OTUD3: variants seen among roughly 807,000 people sequenced by gnomAD.
OTUD3 encodes the protein OTU deubiquitinase 3.
OTUD3 carries 24 observed loss-of-function variants against 46.2 expected under a neutral mutation model. The ratio of observed to expected loss-of-function variants is 0.52; its 90% CI spans 0.38 to 0.73. The LOEUF is 0.73. Ranked by LOEUF, OTUD3 falls within the 30% of genes least tolerant of loss-of-function variation. The pLI is 0.00. For missense variants in OTUD3, 455 were observed against 523.3 expected, an observed-to-expected ratio of 0.87 and a Z score of 1.27; for synonymous variants, 189 against 195.4, an observed-to-expected ratio of 0.97 and a Z score of 0.27.
Position 19,912,270 on chromosome 1 carries a change from C to T in OTUD3, c.*4524C>T, listed in dbSNP as rs2045742968. ...CAGGCTGCCAGCCATCCATGACAATCATGTGAGCTCAGCCACAGACCTCAG... is the reference window on the plus strand; with the variant it reads ...CAGGCTGCCAGCCATCCATGACAATTATGTGAGCTCAGCCACAGACCTCAG... On this transcript the variant is annotated 3_prime_UTR_variant, in exon 8 of 8. Transcript: ENST00000375120. The T allele has an allele frequency of 6.6e-6, 1 of 152,384 alleles. No homozygotes were observed. Among genetic ancestry groups the T allele is most frequent in the African/African-American group, 2.4e-5 (1 of 41,462 alleles). 9.4% of individuals were successfully genotyped at this position (152,384 alleles called of 1,614,324 possible).
Position 19,911,089 on chromosome 1 carries a change from C to G in OTUD3, c.*3343C>G, listed in dbSNP as rs2045727786. ...AGAGGTGACTAAAAGTTACCCTGAC[C>G]AAAAGGATCTCTGCGGGGGGAAGAG... On this transcript the variant is annotated 3_prime_UTR_variant, in exon 8 of 8. Transcript: ENST00000375120. 1 of 152,216 alleles carries G rather than the reference C, an allele frequency of 6.6e-6. No individual in the cohort carries two copies. The highest frequency in any genetic ancestry group is 2.4e-5 in the African/African-American group (1 of 41,398). 9.4% of individuals were successfully genotyped at this position (152,216 alleles called of 1,614,324 possible).
In OTUD3 at chr1:19,907,708, G is replaced by A. The variant is rs768806192; in HGVS notation, c.1159G>A (p.Val387Ile). The A allele has an allele frequency of 1.5e-5, 24 of 1,614,238 alleles. No individual in the cohort carries two copies. The highest frequency in any genetic ancestry group is 2.0e-5 in the Non-Finnish European group (24 of 1,180,046). The change falls in exon 8 of 8, where the codon GTC (valine) becomes ATC (isoleucine). Residue 387 changes from valine (V) to isoleucine (I), a missense_variant. Transcript: ENST00000375120. ...NRSEAEANTQVTLVKTFAALN... is the reference protein window; with the variant it reads ...NRSEAEANTQITLVKTFAALN... ...AAGCGAAGCAGAGGCGAACACGCAGGTCACCTTGGTGAAGACCTTCGCCGC... is the reference window on the plus strand; with the variant it reads ...AAGCGAAGCAGAGGCGAACACGCAGATCACCTTGGTGAAGACCTTCGCCGC...
At chr1:19,884,875 A>G (rs764023290) in intron 1 of OTUD3, among the ~76,000 whole-genome samples, 1 of 152,238 alleles carries the variant, frequency 6.6e-6, no homozygotes, top group Non-Finnish European at 1.5e-5. Flanking sequence ...ATATATTTTT[A>G]GTAACAGTGA....
chr1:19,882,458 A>C lies in OTUD3; in HGVS notation c.-56A>C. ...TTTACCTTCCCAACGCTTGAGGCGG[A>C]CGCTGGGGGGTCCTGCGCCTTTCCC... On this transcript the variant is annotated 5_prime_UTR_variant, in exon 1 of 8. Transcript: ENST00000375120. The C allele has an allele frequency of 7.5e-7, 1 of 1,324,700 alleles. No individual in the cohort carries two copies. The highest frequency in any genetic ancestry group is 1.5e-5 in the African/African-American group (1 of 65,152). 82.1% of individuals were successfully genotyped at this position (1,324,700 alleles called of 1,614,324 possible).
rs901939041 is a variant in OTUD3 at position 19,882,586 on chromosome 1, G to A, written c.73G>A (p.Asp25Asn). The A allele has an allele frequency of 1.4e-6, 2 of 1,415,478 alleles. No homozygotes were observed. The highest frequency in any genetic ancestry group is 1.8e-6 in the Non-Finnish European group (2 of 1,089,378). The allele number at this position is 1,415,478 out of a possible 1,614,324, so 87.7% of individuals were successfully genotyped here. ...SRKAEAERKR[D>N]ERAARRALAK... ...GAAAGCCGAGGCCGAGCGCAAGCGG[G>A]ACGAGCGGGCGGCGCGCCGGGCCCT... Residue 25 changes from aspartate (D) to asparagine (N), a missense_variant, in exon 1 of 8, where the codon GAC becomes AAC. Coordinates refer to ENST00000375120, the MANE Select transcript of OTUD3 (RefSeq NM_015207.2).
intron 3 of OTUD3, among the ~76,000 whole-genome samples, chr1:19,895,900 C>G (rs962251413): frequency 6.6e-6 from 1 of 152,320 alleles, no homozygotes; most frequent in Non-Finnish European, 1.5e-5. Context: ...AATCAGCTTG[C>G]CTTTTCCTCC....
chr1:19,897,686 C>T, intron 4 of OTUD3, 24 bp downstream of exon 4: 1 of 1,608,900 alleles, frequency 6.2e-7, no homozygotes, highest in South Asian at 1.1e-5. Flanking sequence ...CGGATTTCTC[C>T]CGTATTCCCC....
chr1:19,885,331 C>T (rs1343595339), intron 1 of OTUD3, among the ~76,000 whole-genome samples: 1 of 152,170 alleles, frequency 6.6e-6, no homozygotes, highest in Non-Finnish European at 1.5e-5. Context: ...ACATGAGTTC[C>T]ATTAGCTGGA....
intron 2 of OTUD3, among the ~76,000 whole-genome samples, chr1:19,894,040 A>G (rs921841198): frequency 1.3e-5 from 2 of 152,252 alleles, no homozygotes; most frequent in Non-Finnish European, 2.9e-5. Context: ...ACACATAACA[A>G]CCATTCACTA....
intron 4 of OTUD3, among the ~76,000 whole-genome samples, chr1:19,902,372 A>C (rs1434582632): frequency 6.6e-6 from 1 of 151,944 alleles, no homozygotes; most frequent in African/African-American, 2.4e-5. Flanking sequence ...CGCCCAGCTA[A>C]ATTTTTGTGT....
At chr1:19,900,920 T>TG (rs1393546395) in intron 4 of OTUD3, among the ~76,000 whole-genome samples, 2 of 146,904 alleles carry the variant, frequency 1.4e-5, no homozygotes, top group African/African-American at 5.0e-5. Flanking sequence ...TTTTTTGTTT[T>TG]TTTTTTTTTT....
chr1:19,890,482 C>T lies in OTUD3; in HGVS notation c.319C>T (p.Arg107Trp), dbSNP rs765352475. The change falls in exon 2 of 8, where the codon CGG becomes TGG. Residue 107 changes from arginine to tryptophan, a missense_variant. Transcript: ENST00000375120. ...GACAGTGGACTACATGATAAAGCAG[C>T]GGGAAGATTTTGAACCCTTTGTAGA... is the stretch of plus-strand genomic sequence containing the variant. ...QETVDYMIKQ[R>W]EDFEPFVEDD... 1.9e-5 allele frequency: 30 copies of T among 1,613,656 alleles called. 1 individual carries two copies. Among genetic ancestry groups the T allele is most frequent in the Non-Finnish European group, 2.5e-5 (29 of 1,179,722 alleles).
chr1:19,905,787 T>C (rs754907033), intron 6 of OTUD3, among the ~76,000 whole-genome samples: 14 of 152,196 alleles, frequency 9.2e-5, no homozygotes, highest in Non-Finnish European at 1.9e-4. Context: ...TCTCAAGTCA[T>C]TTATTTAAAA....
intron 1 of OTUD3, among the ~76,000 whole-genome samples, chr1:19,883,794 G>T (rs1396878629): frequency 1.3e-5 from 2 of 152,176 alleles, no homozygotes; most frequent in Non-Finnish European, 2.9e-5. Flanking sequence ...AATTGCCTTA[G>T]ATATTAACTG....
intron 3 of OTUD3, among the ~76,000 whole-genome samples, 175 bp from the exon 4 acceptor site, chr1:19,897,365 C>T (rs568992319): frequency 1.3e-5 from 2 of 152,322 alleles, no homozygotes; most frequent in East Asian, 3.8e-4. Context: ...CGGAAGCATA[C>T]ACGCATAGGA....
chr1:19,907,573 A>C lies in OTUD3; in HGVS notation c.1024A>C (p.Thr342Pro), dbSNP rs1222260015. The change falls in exon 8 of 8, where the codon ACA becomes CCA. Residue 342 changes from threonine to proline, a missense_variant. Thr to Pro is a conservative substitution (Grantham distance 38). Coordinates refer to ENST00000375120, the MANE Select transcript of OTUD3 (RefSeq NM_015207.2). ...CCACCATGGCCTTCTCTCTCAGGTC[A>C]CAAACAAACAGAGGCGAGAACAGCA... ...KANKNQLAKVTNKQRREQQWM... is the reference protein window; with the variant it reads ...KANKNQLAKVPNKQRREQQWM... The C allele has an allele frequency of 1.2e-6, 2 of 1,613,836 alleles. No individual in the cohort carries two copies. The highest frequency in any genetic ancestry group is 1.7e-5 in the Admixed American group (1 of 60,002).
rs759880608 is a variant in OTUD3 at position 19,904,273 on chromosome 1, A to G, written c.613A>G (p.Met205Val). 1.9e-6 allele frequency: 3 copies of G among 1,597,504 alleles called. No homozygotes were observed. Among genetic ancestry groups the G allele is most frequent in the South Asian group, 1.1e-5 (1 of 88,024 alleles). ...TATTACTTGTTTCCTTTAGTTTCAG[A>G]TGCTTCATCAAGATGAATCAAATAA... ...APAHLQTDFQ[M>V]LHQDESNKRE... Residue 205 changes from methionine (M) to valine (V), a missense_variant, in exon 5 of 8, where the codon ATG becomes GTG. Transcript: ENST00000375120.
At chr1:19,894,700 A>G (rs1408172291) in intron 3 of OTUD3, among the ~76,000 whole-genome samples, 1 of 152,234 alleles carries the variant, frequency 6.6e-6, no homozygotes, top group Non-Finnish European at 1.5e-5. Flanking sequence ...TTAAAATGCT[A>G]TAAATATTCA....
At chr1:19,895,840 A>G (rs1189360468) in intron 3 of OTUD3, among the ~76,000 whole-genome samples, 1 of 152,236 alleles carries the variant, frequency 6.6e-6, no homozygotes, top group African/African-American at 2.4e-5. Context: ...ATTTGAATAC[A>G]CAGCATAATG....
Sources: allele counts gnomAD v4.1 joint callset (sites outside exome capture counted in the v4.1 genomes callset), GRCh38; gene constraint gnomAD v4.1.1; transcripts MANE v1.5; gene names NCBI Gene and HGNC (gene_info 2026-07-23, HGNC 2026-07-21).